The following SAMD3 variants were observed in gnomAD, a reference collection of about 807,000 sequenced individuals.
SAMD3 encodes sterile alpha motif domain-containing protein 3.
A neutral mutation model predicts 58.5 loss-of-function variants in SAMD3; 63 were observed. The ratio of observed to expected loss-of-function variants is 1.08; its 90% confidence interval spans 0.88 to 1.33. SAMD3 has a LOEUF of 1.33. Among genes scored for constraint, SAMD3 ranks in the 40% most tolerant of loss-of-function variants. The probability of loss-of-function intolerance (pLI) is 0.00; values close to 1 mark genes in which losing one functional copy is unlikely to be tolerated. For missense variants in SAMD3, 604 were observed against 608.4 expected (o/e 0.99, Z 0.08); for synonymous variants, 220 against 210.3 (o/e 1.05, Z -0.40).
chr6:130,226,832 A>C (rs1796393951), upstream of SAMD3, among the ~76,000 whole-genome samples: 1 of 152,242 alleles, frequency 6.6e-6, no homozygotes, highest in Non-Finnish European at 1.5e-5. Context: ...CTGTCTCAAA[A>C]AAAAAAATTA....
At chr6:130,280,548 T>C (rs920222281) in intron 2 of SAMD3, among the ~76,000 whole-genome samples, 1 of 152,198 alleles carries the variant, frequency 6.6e-6, no homozygotes, top group Non-Finnish European at 1.5e-5. Context: ...TGAACTCTCT[T>C]CTAGCTTCCC....
intron 7 of SAMD3, among the ~76,000 whole-genome samples, chr6:130,177,354 A>T (rs751217820): frequency 3.9e-5 from 6 of 152,094 alleles, no homozygotes; most frequent in Non-Finnish European, 8.8e-5. Flanking sequence ...TCCAGATTTG[A>T]GCTCTGGAAG....
At chr6:130,176,181 G>C (rs1359544411) in intron 7 of SAMD3, 173 bp from the exon 8 acceptor site, 1 of 679,946 alleles carries the variant, frequency 1.5e-6, no homozygotes, top group Non-Finnish European at 2.6e-6. Context: ...CAGCAATCTT[G>C]TGACACTGCT....
chr6:130,345,222 T>C (rs1777407911), intron 1 of SAMD3, among the ~76,000 whole-genome samples: 1 of 152,040 alleles, frequency 6.6e-6, no homozygotes, highest in African/African-American at 2.4e-5. Flanking sequence ...ATTAGATACT[T>C]GTGTGGAGGT....
At chr6:130,241,250 G>A (rs1483384776) in intron 2 of SAMD3, among the ~76,000 whole-genome samples, 1 of 125,000 alleles carries the variant, frequency 8.0e-6, no homozygotes, top group Non-Finnish European at 1.6e-5. Context: ...CACTCTTGTC[G>A]CCCAGGCTGG....
intron 1 of SAMD3, among the ~76,000 whole-genome samples, chr6:130,350,159 C>T (rs1209412186): frequency 6.6e-6 from 1 of 152,124 alleles, no homozygotes; most frequent in African/African-American, 2.4e-5. Context: ...TGAAAACTGG[C>T]ACAAGACAGG....
At chr6:130,165,979 G>C (rs927767270) in intron 8 of SAMD3, among the ~76,000 whole-genome samples, 6 of 152,010 alleles carry the variant, frequency 3.9e-5, no homozygotes, top group African/African-American at 1.4e-4. Context: ...TTCATCCCAG[G>C]GTCAGGACAG....
intron 11 of SAMD3, 61 bp from the exon 12 acceptor site, chr6:130,144,865 G>T: frequency 7.2e-7 from 1 of 1,397,442 alleles, no homozygotes; most frequent in Non-Finnish European, 9.8e-7. Context: ...TAAAACATCT[G>T]AACTTAATCA....
chr6:130,261,090 T>A (rs1321584052), intron 2 of SAMD3, among the ~76,000 whole-genome samples: 1 of 142,560 alleles, frequency 7.0e-6, no homozygotes, highest in Non-Finnish European at 1.5e-5. Flanking sequence ...GCACTTTGGT[T>A]TTGGTTTTGG....
At chr6:130,248,540 T>C (rs1773633703) in intron 2 of SAMD3, among the ~76,000 whole-genome samples, 1 of 152,198 alleles carries the variant, frequency 6.6e-6, no homozygotes, top group African/African-American at 2.4e-5. Flanking sequence ...AGTGCACTGC[T>C]TGTTGCCACC....
chr6:130,147,958 A>G (rs1348862932), intron 9 of SAMD3, among the ~76,000 whole-genome samples: 2 of 152,256 alleles, frequency 1.3e-5, no homozygotes, highest in African/African-American at 4.8e-5. Flanking sequence ...CAAAATGGTA[A>G]CTGGTCCCAG....
In SAMD3 at chr6:130,300,994, G is replaced by A. The variant is rs146604721; in HGVS notation, c.-188+11984C>T. On this transcript the variant is annotated intron_variant, in intron 2 of 13. Coordinates refer to the SAMD3 transcript ENST00000368134. ...CAGCCCCCCACCTCCAACCAGCCCC[G>A]GTGTCTGATGTTCCCCGCCCTGTGT... Among the ~76,000 whole-genome samples the A allele has an allele frequency of 7.1e-3, 1,073 of 151,814 alleles. 11 individuals carry two copies. Among genetic ancestry groups the A allele is most frequent in the Middle Eastern group, 0.017 (5 of 294 alleles).
chr6:130,340,066 C>G (rs570705646), intron 1 of SAMD3, among the ~76,000 whole-genome samples: 50 of 152,274 alleles, frequency 3.3e-4, no homozygotes, highest in African/African-American at 1.1e-3. Flanking sequence ...AGGTTAGGGA[C>G]CATGACTTAC....
intron 1 of SAMD3, among the ~76,000 whole-genome samples, chr6:130,325,720 C>A (rs1444287982): frequency 6.6e-6 from 1 of 152,128 alleles, no homozygotes; most frequent in African/African-American, 2.4e-5. Flanking sequence ...TTATGTATTT[C>A]TTTATATTTT....
At chr6:130,284,417 C>T (rs528949698) in intron 2 of SAMD3, among the ~76,000 whole-genome samples, 56 of 151,748 alleles carry the variant, frequency 3.7e-4, no homozygotes, top group African/African-American at 1.3e-3. Context: ...TTAAAGATAA[C>T]TTAGTTAATC....
chr6:130,259,597 A>G (rs2114920106), intron 2 of SAMD3, among the ~76,000 whole-genome samples: 1 of 152,360 alleles, frequency 6.6e-6, no homozygotes, highest in East Asian at 1.9e-4. Flanking sequence ...ATCAAAAGAT[A>G]CAGTGAATAG....
At chr6:130,223,451 A>T (rs1796294580), upstream of SAMD3, among the ~76,000 whole-genome samples, 1 of 152,218 alleles carries the variant, frequency 6.6e-6, no homozygotes, top group African/African-American at 2.4e-5. Context: ...TTACATTATT[A>T]AAATATTACA....
intron 1 of SAMD3, among the ~76,000 whole-genome samples, chr6:130,360,361 A>G (rs1777949332): frequency 1.3e-5 from 2 of 152,310 alleles, no homozygotes; most frequent in Admixed American, 6.5e-5. Flanking sequence ...GGCCAGGTTG[A>G]GAAATAAAGG....
chr6:130,247,468 A>G (rs1447861953), intron 2 of SAMD3, among the ~76,000 whole-genome samples: 2 of 141,222 alleles, frequency 1.4e-5, no homozygotes, highest in Non-Finnish European at 3.1e-5. Flanking sequence ...CTCCATCTCA[A>G]AAAAAAAAAA....
Sources: gnomAD v4.1 joint callset for allele counts (sites outside exome capture counted in the v4.1 genomes callset) on GRCh38, gnomAD v4.1.1 for gene constraint, MANE v1.5 for transcripts, NCBI Gene and HGNC (gene_info 2026-07-23, HGNC 2026-07-21) for gene names.